ODF2: variants seen among roughly 807,000 people sequenced by gnomAD.
ODF2 encodes outer dense fiber of sperm tails 2.
ODF2 carries 47 observed loss-of-function variants against 110.2 expected under a neutral mutation model. The ratio of observed to expected loss-of-function variants is 0.43; its 90% CI spans 0.34 to 0.54. ODF2 has a LOEUF of 0.54. Ranked by LOEUF, ODF2 falls within the 20% of genes least tolerant of loss-of-function variation. The pLI, the probability that ODF2 is intolerant of heterozygous loss-of-function variation, is 0.03. For missense variants in ODF2, 812 were observed against 1,054.5 expected (o/e 0.77, Z 3.19); for synonymous variants, 352 against 397.7 (o/e 0.89, Z 1.37).
intron 8 of ODF2, among the ~76,000 whole-genome samples, chr9:128,479,501 T>C (rs895286324): frequency 3.3e-5 from 5 of 152,198 alleles, no homozygotes; most frequent in Non-Finnish European, 7.4e-5. Context: ...TGCCTGGTAC[T>C]GGTGAGTGCA....
At chr9:128,498,264 C>T (rs758535791) in intron 18 of ODF2, 149 bp from the exon 19 acceptor site, 18 of 1,242,428 alleles carry the variant, frequency 1.4e-5, no homozygotes, top group Non-Finnish European at 1.9e-5. Context: ...CCTTGCTGAT[C>T]TGCAGATTTC....
chr9:128,455,228 G>C (rs771736380), upstream of ODF2: 2 of 1,535,412 alleles, frequency 1.3e-6, no homozygotes, highest in South Asian at 2.4e-5. Flanking sequence ...CATCAGAATA[G>C]GTCTGTACAC....
exon 19 of ODF2, chr9:128,498,566 G>T (rs761722857): frequency 6.4e-7 from 1 of 1,567,220 alleles, no homozygotes; most frequent in Admixed American, 1.8e-5. Context: ...TTGAAGATGC[G>T]AGGAGGCAGG....
intron 20 of ODF2, 33 bp downstream of exon 20, chr9:128,499,159 T>A (rs546524796): frequency 1.2e-6 from 2 of 1,613,228 alleles, no homozygotes; most frequent in East Asian, 4.5e-5. Flanking sequence ...GCTAGGAGAG[T>A]GGGCAGCAGA....
At chr9:128,487,077 T>G (rs1402008873) in intron 13 of ODF2, among the ~76,000 whole-genome samples, 1 of 152,102 alleles carries the variant, frequency 6.6e-6, no homozygotes, top group Non-Finnish European at 1.5e-5. Context: ...CCTCTCTCTC[T>G]CTCTCTCTTT....
At position 128,457,235 on chromosome 9, in the gene ODF2, T is replaced by G. The variant is rs777220989; in HGVS notation, c.-171T>G. ...GCGACTTGGACAGTAGAGGAGCGCC[T>G]CCCAAGTTTTCATCCAACTGCCAAC... On this transcript the variant is annotated 5_prime_UTR_variant, in exon 2 of 21. Transcript: ENST00000604420. The G allele has an allele frequency of 3.8e-6, 6 of 1,580,544 alleles. No homozygotes were observed. In the South Asian group the frequency reaches 5.6e-5, roughly 15 times the overall value.
At chr9:128,483,466 C>G (rs1478963365) in intron 10 of ODF2, among the ~76,000 whole-genome samples, 1 of 151,826 alleles carries the variant, frequency 6.6e-6, no homozygotes, top group African/African-American at 2.4e-5. Context: ...ACCTGTAGTT[C>G]CAGCTACTCT....
chr9:128,482,806 T>C lies in ODF2; in HGVS notation c.916-10T>C. On this transcript the variant is annotated splice_polypyrimidine_tract_variant and intron_variant, in intron 9 of 20. Transcript: ENST00000604420. ...CCCAGGGGCACCTGACAGCCTGTGT[T>C]CTCTCCCAGCGCCTGCTGTTACTGC... The C allele has an allele frequency of 6.2e-7, 1 of 1,612,534 alleles. No homozygotes were observed. The highest frequency in any genetic ancestry group is 1.7e-5 in the Admixed American group (1 of 59,770).
chr9:128,462,066 A>G (rs1453999976), intron 4 of ODF2, among the ~76,000 whole-genome samples: 2 of 152,196 alleles, frequency 1.3e-5, no homozygotes, highest in African/African-American at 4.8e-5. Context: ...AACAAAAACA[A>G]TGAGCTTTTT....
At chr9:128,500,351 T>TAAAAAAAAAA in exon 21 of ODF2, 1 of 1,258,308 alleles carries the variant, frequency 7.9e-7, no homozygotes, top group South Asian at 1.3e-5. Context: ...CCTCTCCCAG[T>TAAAAAAAAAA]GAAAAAATGG....
At chr9:128,493,120 C>T (rs1350301927) in intron 16 of ODF2, among the ~76,000 whole-genome samples, 5 of 151,794 alleles carry the variant, frequency 3.3e-5, no homozygotes, top group African/African-American at 1.2e-4. Context: ...CACGGTCTCT[C>T]ACACCTGTAA....
In ODF2 at chr9:128,494,420, C is replaced by T. The variant is rs1845229605; in HGVS notation, c.1753-90C>T. 2 of 1,218,506 alleles carry T rather than the reference C, an allele frequency of 1.6e-6. No homozygotes were observed. Among genetic ancestry groups the T allele is most frequent in the Non-Finnish European group, 2.4e-6 (2 of 845,010 alleles). 75.5% of individuals were successfully genotyped at this position (1,218,506 alleles called of 1,614,324 possible). The stretch of plus-strand genomic sequence containing the variant: ...GGGGACTGTGTCAGCCCTGCCCTAA[C>T]TCTAAAGGACTCTGCCTGGCTCCAC... On this transcript the variant is annotated intron_variant, in intron 16 of 20. Transcript: ENST00000604420. The surrounding 1 kb of genome is among the most constrained non-coding windows in gnomAD (Gnocchi z 4.6).
At chr9:128,487,455 G>C (rs1276752240) in intron 13 of ODF2, among the ~76,000 whole-genome samples, 2 of 152,040 alleles carry the variant, frequency 1.3e-5, no homozygotes, top group Non-Finnish European at 2.9e-5. Flanking sequence ...TGATGAGAAC[G>C]CTGGGTCCCA....
chr9:128,456,375 G>C, intron 1 of ODF2, 120 bp downstream of exon 1: 3 of 1,428,324 alleles, frequency 2.1e-6, no homozygotes, highest in East Asian at 2.9e-5. Flanking sequence ...GTTCCCCGCC[G>C]CGTTGCGCTC....
chr9:128,498,633 C>T, intron 19 of ODF2, 58 bp downstream of exon 19: 2 of 963,090 alleles, frequency 2.1e-6, no homozygotes, highest in Non-Finnish European at 3.1e-6. Context: ...CACCTAAACT[C>T]TCAGCTTATT....
rs576962040 is a variant in ODF2 at position 128,491,009 on chromosome 9, AT to A, written c.1537-1406del. Among the ~76,000 whole-genome samples the A allele has an allele frequency of 3.4e-3, 515 of 149,324 alleles. 3 individuals are homozygous for A. Among genetic ancestry groups the A allele is most frequent in the African/African-American group, 0.012 (475 of 40,826 alleles). On this transcript the variant is annotated intron_variant, in intron 14 of 20. Coordinates refer to ENST00000604420, the Ensembl canonical transcript of ODF2. ...TGACTTGAGAGAAGTTCACAACATA[AT>A]TTTTTTTTTTAAATATATTTTTGGT...
downstream of ODF2, chr9:128,501,006 CCCT>C (rs1373604626): frequency 6.6e-6 from 1 of 152,180 alleles, no homozygotes; most frequent in South Asian, 2.1e-4. Context: ...CAGTCCTCAT[CCCT>C]CCTCTAAAAA....
At chr9:128,473,085 G>A (rs752001688) in intron 7 of ODF2, 43 bp downstream of exon 7, 20 of 1,611,890 alleles carry the variant, frequency 1.2e-5, no homozygotes, top group African/African-American at 9.3e-5. Context: ...AACTGGCCTC[G>A]GGAGGGGGCA....
chr9:128,469,526 C>A, intron 5 of ODF2, 173 bp downstream of exon 5: 1 of 640,486 alleles, frequency 1.6e-6, no homozygotes, highest in Non-Finnish European at 2.7e-6. Context: ...AGCATGGGAT[C>A]CCATCCCACC....
Sources: gnomAD v4.1 joint callset for allele counts (sites outside exome capture counted in the v4.1 genomes callset) on GRCh38, gnomAD v4.1.1 for gene constraint, Gnocchi (gnomAD v3.1) non-coding constraint, MANE v1.5 for transcripts, NCBI Gene and HGNC (gene_info 2026-07-23, HGNC 2026-07-21) for gene names.